RTN3: variants seen among roughly 807,000 people sequenced by gnomAD.
The protein encoded by RTN3 is reticulon 3, also known as reticulon-3.
In RTN3, 49 loss-of-function variants were observed where a neutral mutation model predicts 77.8. That is an observed-to-expected ratio of 0.63 (90% CI 0.50 to 0.80). RTN3 has a LOEUF of 0.80. Among genes scored for constraint, RTN3 ranks in the 30% least tolerant of loss-of-function variants. RTN3 has a pLI of 0.00. For synonymous variants in RTN3, 464 were observed against 446.9 expected (o/e 1.04, Z -0.48); for missense variants, 1,236 against 1,211.9 (o/e 1.02, Z -0.29).
rs1159840049 is a variant in RTN3, at chr11:63,720,366, G to A, written c.1864G>A (p.Glu622Lys). ...AACAGTGTCTCCAAATGTTTTTAAT[G>A]AGACAGAATTCTCATTAAATGTGAC... is the stretch of plus-strand genomic sequence containing the variant. ...PSTVSPNVFN[E>K]TEFSLNVTTS... The change falls in exon 3 of 9, where the codon GAG (glutamate) becomes AAG (lysine). Residue 622 changes from glutamate (E) to lysine (K), a missense_variant. By Grantham distance (56) the Glu-to-Lys change is moderately conservative. Coordinates refer to ENST00000377819, the MANE Select transcript of RTN3 (RefSeq NM_001265589.2). 1.9e-6 allele frequency: 3 copies of A among 1,614,034 alleles called. No homozygotes were observed. Among genetic ancestry groups the A allele is most frequent in the Non-Finnish European group, 2.5e-6 (3 of 1,179,976 alleles).
intron 3 of RTN3, among the ~76,000 whole-genome samples, chr11:63,732,668 A>G (rs1483061936): frequency 1.3e-5 from 2 of 152,226 alleles, no homozygotes; most frequent in African/African-American, 2.4e-5. Flanking sequence ...TGCTAACACA[A>G]TTTATATTAA....
intron 3 of RTN3, among the ~76,000 whole-genome samples, chr11:63,724,294 T>C (rs1200340572): frequency 6.9e-6 from 1 of 144,190 alleles, no homozygotes; most frequent in Non-Finnish European, 1.5e-5. Context: ...GCCATTCTCC[T>C]GCCTCAGCCT....
chr11:63,756,135 C>T lies in RTN3; in HGVS notation c.3018C>T (p.Gly1006=). 6.2e-7 allele frequency: 1 copy of T among 1,613,186 alleles called. No homozygotes were observed. Among genetic ancestry groups the T allele is most frequent in the Non-Finnish European group, 8.5e-7 (1 of 1,179,142 alleles). ...AGACCCAGATTGATCACTATGTTGGCATCGCCCGAGATCAGACCAAGTCAA... is the reference window on the plus strand; with the variant it reads ...AGACCCAGATTGATCACTATGTTGGTATCGCCCGAGATCAGACCAAGTCAA... The part of the protein sequence containing the change: ...KYKTQIDHYV[G]IARDQTKSIV... Residue 1006 remains glycine, a synonymous_variant, in exon 8 of 9, where the codon GGC becomes GGT. Transcript: ENST00000377819.
intron 1 of RTN3, among the ~76,000 whole-genome samples, chr11:63,703,700 G>A (rs997494187): frequency 4.6e-5 from 7 of 151,778 alleles, no homozygotes; most frequent in African/African-American, 1.4e-4. Flanking sequence ...CCGCCACCAC[G>A]CCTGGCTAAT....
chr11:63,684,097 G>A (rs1026585516), intron 1 of RTN3, among the ~76,000 whole-genome samples: 2 of 139,206 alleles, frequency 1.4e-5, no homozygotes, highest in Non-Finnish European at 3.0e-5. Flanking sequence ...AATTACAGGC[G>A]TGTGCCACCA....
rs1255489886 is a variant in RTN3 at position 63,681,540 on chromosome 11, G to C, written c.-97G>C. ...GTCCTCGGAGCAGGCGGAGTAAAGG[G>C]ACTTGAGCGAGCCAGTTGCCGGATT... On this transcript the variant is annotated 5_prime_UTR_variant, in exon 1 of 9. Transcript: ENST00000377819. The C allele has an allele frequency of 1.5e-6, 2 of 1,290,850 alleles. No individual in the cohort carries two copies. Among genetic ancestry groups the C allele is most frequent in the Admixed American group, 4.9e-5 (2 of 40,732 alleles). 80.0% of individuals were successfully genotyped at this position (1,290,850 alleles called of 1,614,324 possible).
rs1177025902 is a variant in RTN3, at chr11:63,729,436, C to CTTTTTT, written c.2530+8422_2530+8427dup. ...GACTGTACTATAGCAAAGGTTTCTG[C>CTTTTTT]TTTTTTTTTTTTTTTTTTTTTTTGT... On this transcript the variant is annotated intron_variant, in intron 3 of 8. Coordinates refer to ENST00000377819, the MANE Select transcript of RTN3 (RefSeq NM_001265589.2). 2.3e-3 allele frequency among the ~76,000 whole-genome samples: 74 copies of CTTTTTT among 32,014 alleles called. 4 individuals are homozygous for CTTTTTT. Among genetic ancestry groups the CTTTTTT allele is most frequent in the African/African-American group, 8.8e-3 (58 of 6,592 alleles). 21.0% of individuals were successfully genotyped at this position (32,014 alleles called of 152,430 possible).
chr11:63,726,211 C>T (rs958988992), intron 3 of RTN3, among the ~76,000 whole-genome samples: 10 of 152,108 alleles, frequency 6.6e-5, no homozygotes, highest in African/African-American at 1.9e-4. Flanking sequence ...AACAAAGACC[C>T]GAAGGCACTG....
chr11:63,756,005 G>GGT, intron 7 of RTN3, 107 bp from the exon 8 acceptor site: 1 of 779,104 alleles, frequency 1.3e-6, no homozygotes, highest in Non-Finnish European at 2.3e-6. Context: ...TTTCTACACT[G>GGT]GTCAGTCGTG....
intron 3 of RTN3, among the ~76,000 whole-genome samples, chr11:63,737,326 G>T (rs1483010690): frequency 6.6e-6 from 1 of 152,168 alleles, no homozygotes; most frequent in East Asian, 1.9e-4. Context: ...AAGATTGATG[G>T]CCAGGCATGC....
intron 1 of RTN3, among the ~76,000 whole-genome samples, chr11:63,700,192 C>A (rs114589215): frequency 0.036 from 5,393 of 151,532 alleles, 324 homozygotes; most frequent in African/African-American, 0.12. Context: ...GATTTAAACG[C>A]ATCATTGGCA....
intron 2 of RTN3, among the ~76,000 whole-genome samples, chr11:63,710,027 T>C (rs2134756948): frequency 6.6e-6 from 1 of 152,376 alleles, no homozygotes; most frequent in Middle Eastern, 3.4e-3. Context: ...ACATTCCTTA[T>C]TCCTTAATTA....
intron 3 of RTN3, among the ~76,000 whole-genome samples, chr11:63,723,430 T>A (rs2011966593): frequency 1.3e-5 from 2 of 151,098 alleles, no homozygotes; most frequent in African/African-American, 4.9e-5. Context: ...TTTTTTTTTT[T>A]TTTAATTTTT....
At chr11:63,699,405 T>C (rs1942127157) in intron 1 of RTN3, among the ~76,000 whole-genome samples, 1 of 152,172 alleles carries the variant, frequency 6.6e-6, no homozygotes, top group South Asian at 2.1e-4. Context: ...TCCAGGCAGA[T>C]GGTCTCAAGA....
At position 63,720,892 on chromosome 11, in the gene RTN3, T is replaced by A; in HGVS notation, c.2390T>A (p.Val797Asp). 6.2e-7 allele frequency: 1 copy of A among 1,614,116 alleles called. No individual in the cohort carries two copies. The highest frequency in any genetic ancestry group is 8.5e-7 in the Non-Finnish European group (1 of 1,180,018). Residue 797 changes from valine to aspartate, a missense_variant, in exon 3 of 9, where the codon GTC becomes GAC. Transcript: ENST00000377819. ...TCATATGACATCCTAGAACGTAATGTCAAGAATGGATCTGATCTTGGGATT... is the reference window on the plus strand; with the variant it reads ...TCATATGACATCCTAGAACGTAATGACAAGAATGGATCTGATCTTGGGATT... ...QRSYDILERNVKNGSDLGISQ... is the reference protein window; with the variant it reads ...QRSYDILERNDKNGSDLGISQ...
At chr11:63,734,735 ACACAC>A (rs1290884044) in intron 3 of RTN3, among the ~76,000 whole-genome samples, 2 of 28,410 alleles carry the variant, frequency 7.0e-5, no homozygotes, top group African/African-American at 3.0e-4. Context: ...CTGTCTCAAA[ACACAC>A]ACACACACAC....
chr11:63,689,371 G>T (rs556916390), intron 1 of RTN3, among the ~76,000 whole-genome samples: 1 of 152,240 alleles, frequency 6.6e-6, no homozygotes, highest in East Asian at 1.9e-4. Flanking sequence ...GGATCATAGG[G>T]TATGGTGTTG....
At chr11:63,709,594 AAAAG>A (rs1021337114) in intron 2 of RTN3, among the ~76,000 whole-genome samples, 2 of 151,990 alleles carry the variant, frequency 1.3e-5, no homozygotes, top group Non-Finnish European at 2.9e-5. Context: ...TAAAAAAAAA[AAAAG>A]AAAAACATTT....
intron 1 of RTN3, among the ~76,000 whole-genome samples, chr11:63,693,513 C>T (rs1257680773): frequency 6.6e-6 from 1 of 152,062 alleles, no homozygotes; most frequent in Non-Finnish European, 1.5e-5. Context: ...ATAGTTTTCA[C>T]AGGGTTCATG....
Sources: allele counts gnomAD v4.1 joint callset (sites outside exome capture counted in the v4.1 genomes callset), GRCh38; gene constraint gnomAD v4.1.1; transcripts MANE v1.5; gene names NCBI Gene and HGNC (gene_info 2026-07-23, HGNC 2026-07-21).